The following SIRT3 variants were observed in gnomAD, a reference collection of about 807,000 sequenced individuals.
SIRT3 encodes the protein NAD-dependent protein deacetylase sirtuin-3, mitochondrial.
In SIRT3, 26 loss-of-function variants were observed where a neutral mutation model predicts 33.5. The ratio of observed to expected loss-of-function variants is 0.78; its 90% confidence interval spans 0.57 to 1.08. The LOEUF is 1.08. Ranked by LOEUF, SIRT3 falls within the 50% of genes least tolerant of loss-of-function variation. The probability of loss-of-function intolerance (pLI) is 0.00; values close to 1 mark genes in which losing one functional copy is unlikely to be tolerated. For synonymous variants in SIRT3, 237 were observed against 222.1 expected (o/e 1.07, Z -0.60); for missense variants, 585 against 530.1 (o/e 1.10, Z -1.02).
Position 223,800 on chromosome 11 carries a change from C to T in SIRT3, c.969+278G>A. The T allele has an allele frequency of 2.0e-6, 2 of 1,024,506 alleles. No homozygotes were observed. Among genetic ancestry groups the T allele is most frequent in the Non-Finnish European group, 3.0e-6 (2 of 667,938 alleles). 63.5% of individuals were successfully genotyped at this position (1,024,506 alleles called of 1,614,324 possible). On this transcript the variant is annotated intron_variant, in intron 5 of 6. Transcript: ENST00000382743. This position sits in a 1 kb window ranked among gnomAD's most constrained non-coding sequence, Gnocchi z 4.8. The stretch of plus-strand genomic sequence containing the variant: ...AGCCCTGGAAGGGCCCATGAGATGA[C>T]TCCTGTACCCCTCCCTTCCCCTGCC...
rs561616950 is a variant in SIRT3, at chr11:216,647, G to A, written c.*51C>T. 2 of 1,606,102 alleles carry A rather than the reference G, an allele frequency of 1.2e-6. No individual in the cohort carries two copies. Among genetic ancestry groups the A allele is most frequent in the Non-Finnish European group, 8.5e-7 (1 of 1,173,060 alleles). ...AGGCATGAGGTCTTGTCAGAATTGG[G>A]ATGTGGATGTCTCCTATGTTACCAT... On this transcript the variant is annotated 3_prime_UTR_variant, in exon 7 of 7. Coordinates refer to ENST00000382743, the MANE Select transcript of SIRT3 (RefSeq NM_012239.6).
At chr11:218,072 G>T (rs1250996225) in intron 6 of SIRT3, among the ~76,000 whole-genome samples, 1 of 152,204 alleles carries the variant, frequency 6.6e-6, no homozygotes, top group Non-Finnish European at 1.5e-5. Context: ...CAGCCATATG[G>T]AACTGTGAGT....
upstream of SIRT3, chr11:236,531 T>C (rs1227383066): frequency 6.0e-6 from 1 of 167,120 alleles, no homozygotes; most frequent in Non-Finnish European, 1.2e-5. Flanking sequence ...TAGAGGCGAG[T>C]AGAGGAAGTT....
chr11:236,370 C>CGCCCCCGGCGCCCCGCCCG (rs575766409), upstream of SIRT3: 6 of 1,174,640 alleles, frequency 5.1e-6, no homozygotes, highest in African/African-American at 4.0e-5. Flanking sequence ...CGCCCCGCCC[C>CGCCCCCGGCGCCCCGCCCG]CGGCGCCCCG....
chr11:233,650 G>C, intron 1 of SIRT3, 116 bp from the exon 2 acceptor site: 1 of 902,172 alleles, frequency 1.1e-6, no homozygotes, highest in East Asian at 2.5e-5. Flanking sequence ...GAGCATGTGT[G>C]TCTCCCCAGG....
At position 224,690 on chromosome 11, in the gene SIRT3, T is replaced by C. The variant is rs541282841; in HGVS notation, c.808-451A>G. Among the ~76,000 whole-genome samples, 3 of 152,282 alleles carry C rather than the reference T, an allele frequency of 2.0e-5. No homozygotes were observed. The East Asian group carries it at 5.8e-4, about 29-fold the overall frequency. On this transcript the variant is annotated intron_variant, in intron 4 of 6. Transcript: ENST00000382743. ...GGTTTGAGCTTCGGTGATCATGCCATTGCCTCAGCCCTGGGAGGCATTCAG... is the reference window on the plus strand; with the variant it reads ...GGTTTGAGCTTCGGTGATCATGCCACTGCCTCAGCCCTGGGAGGCATTCAG...
At chr11:235,316 T>G (rs183460361) in intron 1 of SIRT3, among the ~76,000 whole-genome samples, 2 of 151,200 alleles carry the variant, frequency 1.3e-5, no homozygotes, top group African/African-American at 4.9e-5. Context: ...AGGGATCCTC[T>G]TGCCTTAGTC....
upstream of SIRT3, chr11:236,435 A>ACCGCCC (rs1167601275): frequency 1.6e-6 from 1 of 606,148 alleles, no homozygotes; most frequent in Non-Finnish European, 1.9e-6. Flanking sequence ...GCCTCCGCCT[A>ACCGCCC]CCGCCCCCGC....
rs1472623325 is a variant in SIRT3, at chr11:233,134, G to A, written c.555C>T (p.Phe185=). The change falls in exon 3 of 7, where the codon TTC becomes TTT. Residue 185 remains phenylalanine, a synonymous_variant. Transcript: ENST00000382743. ...TGAAAAAGGGCTTGGGGTTGTGAAA[G>A]AAGAATGGGAGTTCAAAAATGGCCT... ...YPEAIFELPF[F]FHNPKPFFTL... is the part of the protein sequence containing the mutation. The A allele has an allele frequency of 6.2e-7, 1 of 1,614,166 alleles. No homozygotes were observed. Among genetic ancestry groups the A allele is most frequent in the East Asian group, 2.2e-5 (1 of 44,888 alleles).
In SIRT3 at chr11:229,267, T is replaced by C. The variant is rs898924089; in HGVS notation, c.807+1185A>G. On this transcript the variant is annotated intron_variant, in intron 4 of 6. Coordinates refer to ENST00000382743, the MANE Select transcript of SIRT3 (RefSeq NM_012239.6). Reference sequence around the variant, plus strand: ...AGAGATCGAGACATCCTGGCCAACATGGTGAAACTACTCTACTAAATACAA... The same window carrying C: ...AGAGATCGAGACATCCTGGCCAACACGGTGAAACTACTCTACTAAATACAA... Among the ~76,000 whole-genome samples the C allele has an allele frequency of 1.1e-4, 6 of 54,006 alleles. No individual in the cohort carries two copies. The Admixed American group carries it at 1.2e-3, about 11-fold the overall frequency. 35.4% of individuals were successfully genotyped at this position (54,006 alleles called of 152,430 possible).
chr11:229,179 C>T (rs368820515), intron 4 of SIRT3, among the ~76,000 whole-genome samples: 103 of 151,878 alleles, frequency 6.8e-4, no homozygotes, highest in African/African-American at 2.3e-3. Context: ...ACGGGCCGGG[C>T]GCAGTGGCTC....
chr11:236,343 A>C (rs7118852), upstream of SIRT3: 9,593 of 1,402,800 alleles, frequency 6.8e-3, 49 homozygotes, highest in Non-Finnish European at 8.3e-3. Flanking sequence ...CGCGCAGTCC[A>C]AGGAGTCCTC....
Position 223,411 on chromosome 11 carries a change from T to A in SIRT3, c.969+667A>T, listed in dbSNP as rs766059901. 5 of 240,838 alleles carry A rather than the reference T, an allele frequency of 2.1e-5. No individual in the cohort carries two copies. The highest frequency in any genetic ancestry group is 1.1e-4 in the African/African-American group (5 of 44,906). The allele number at this position is 240,838 out of a possible 1,614,324, so 14.9% of individuals were successfully genotyped here. A position where few individuals can be genotyped will look rare whatever the true frequency, so the allele number is the denominator to read the frequency against. ...GCGAGTCCAGTCCCCCTCCTCGCCATCCCTCAGGCGACCACAGCTCCACCT... is the reference window on the plus strand; with the variant it reads ...GCGAGTCCAGTCCCCCTCCTCGCCAACCCTCAGGCGACCACAGCTCCACCT... On this transcript the variant is annotated intron_variant, in intron 5 of 6. Coordinates refer to ENST00000382743, the MANE Select transcript of SIRT3 (RefSeq NM_012239.6). This position sits in a 1 kb window ranked among gnomAD's most constrained non-coding sequence, Gnocchi z 4.8.
intron 5 of SIRT3, chr11:222,743 C>G (rs1263502985): frequency 2.0e-5 from 3 of 152,556 alleles, no homozygotes; most frequent in African/African-American, 7.2e-5. Context: ...CACTTGTGCC[C>G]CACCTTCTTC....
intron 4 of SIRT3, among the ~76,000 whole-genome samples, chr11:225,042 GA>G (rs1200845814): frequency 2.1e-5 from 3 of 145,598 alleles, no homozygotes; most frequent in Non-Finnish European, 1.5e-5. Flanking sequence ...AAATTAAAAA[GA>G]AAAAACTGTT....
intron 1 of SIRT3, chr11:233,877 A>G (rs1858475527): frequency 4.8e-6 from 1 of 210,414 alleles, no homozygotes; most frequent in Non-Finnish European, 9.5e-6. Flanking sequence ...TCAAGAAGCA[A>G]AGAGGGAAAA....
rs1181363518 is a variant in SIRT3, at chr11:229,992, A to G, written c.807+460T>C. Among the ~76,000 whole-genome samples, 3 of 152,340 alleles carry G rather than the reference A, an allele frequency of 2.0e-5. No individual in the cohort carries two copies. The South Asian group carries it at 6.2e-4, about 32-fold the overall frequency. ...ATTTAGCCATGAAACAGGATGAAAT[A>G]CTAACACAAGCTACAAGGCGAAGGA... On this transcript the variant is annotated intron_variant, in intron 4 of 6. Coordinates refer to ENST00000382743, the MANE Select transcript of SIRT3 (RefSeq NM_012239.6).
chr11:236,216 A>T lies in SIRT3; in HGVS notation c.113T>A (p.Leu38Gln), dbSNP rs901591436. The change falls in exon 1 of 7, where the codon CTG becomes CAG. Residue 38 changes from leucine (L) to glutamine (Q), a missense_variant. Physicochemically the swap from Leu to Gln is moderately radical, Grantham distance 113 (BLOSUM62 -2). Coordinates refer to ENST00000382743, the MANE Select transcript of SIRT3 (RefSeq NM_012239.6). ...VGPFQACGCRLVLGGRDDVSA... is the reference protein window; with the variant it reads ...VGPFQACGCRQVLGGRDDVSA... ...CACATCGTCCCTGCCGCCAAGCACC[A>T]GCCGACAGCCGCAGGCCTGAAACGG... is the stretch of plus-strand genomic sequence containing the variant. The T allele has an allele frequency of 3.2e-6, 5 of 1,558,912 alleles. No individual in the cohort carries two copies. The highest frequency in any genetic ancestry group is 3.5e-6 in the Non-Finnish European group (4 of 1,155,746).
At chr11:217,814 G>T (rs3843620) in intron 6 of SIRT3, among the ~76,000 whole-genome samples, 23,628 of 152,218 alleles carry the variant, frequency 0.16, 2,113 homozygotes, top group Non-Finnish European at 0.19. Flanking sequence ...GATATGGTTT[G>T]GCTGTGTCCC....
Sources: allele counts gnomAD v4.1 joint callset (sites outside exome capture counted in the v4.1 genomes callset), GRCh38; gene constraint gnomAD v4.1.1; non-coding constraint Gnocchi (gnomAD v3.1); transcripts MANE v1.5; gene names NCBI Gene and HGNC (gene_info 2026-07-23, HGNC 2026-07-21).